NCALD: variants seen among roughly 807,000 people sequenced by gnomAD.
NCALD encodes the protein neurocalcin delta.
NCALD carries 10 observed loss-of-function variants against 18.6 expected under a neutral mutation model. The observed-to-expected ratio is 0.54, with a 90% CI of 0.33 to 0.91. The LOEUF (loss-of-function observed/expected upper bound fraction) is 0.91, where lower values mean the gene tolerates loss of function less well. Among genes scored for constraint, NCALD ranks in the 40% least tolerant of loss-of-function variants. The pLI is 0.03. For missense variants in NCALD, 184 were observed against 247.6 expected (o/e 0.74, Z 1.72); for synonymous variants, 88 against 87.4 (o/e 1.01, Z -0.04).
intron 1 of NCALD, among the ~76,000 whole-genome samples, chr8:101,743,588 T>C (rs1433981534): frequency 6.6e-6 from 1 of 152,172 alleles, no homozygotes; most frequent in African/African-American, 2.4e-5. Flanking sequence ...AAGTGATACT[T>C]TCCTCTTGAA....
chr8:101,730,814 T>G (rs946742125), intron 1 of NCALD, among the ~76,000 whole-genome samples: 2 of 152,228 alleles, frequency 1.3e-5, no homozygotes, highest in Non-Finnish European at 2.9e-5. Flanking sequence ...AAGAGGTTCT[T>G]CATGTCATTG....
intron 2 of NCALD, among the ~76,000 whole-genome samples, chr8:101,945,055 G>A (rs951441923): frequency 2.7e-4 from 41 of 152,172 alleles, no homozygotes; most frequent in Non-Finnish European, 5.0e-4. Context: ...CGTGTCCTAC[G>A]TGACATCTGT....
chr8:101,971,047 T>A (rs1259488117), intron 2 of NCALD, among the ~76,000 whole-genome samples: 1 of 152,188 alleles, frequency 6.6e-6, no homozygotes, highest in Non-Finnish European at 1.5e-5. Context: ...CCTTTCTGCT[T>A]CTGCCATGTC....
intron 4 of NCALD, among the ~76,000 whole-genome samples, chr8:101,820,290 C>G (rs772573664): frequency 6.6e-6 from 1 of 152,186 alleles, no homozygotes; most frequent in Non-Finnish European, 1.5e-5. Flanking sequence ...ATTTTGTTCA[C>G]TATGTGTGTG....
At position 102,102,274 on chromosome 8, in the gene NCALD, C is replaced by T. The variant is rs1054371817; in HGVS notation, c.-210+21963G>A. ...TCCTCCTGTCACAATTAACGCTCCA[C>T]CCAACAACACAGCTCACATTTCAAA... On this transcript the variant is annotated intron_variant, in intron 1 of 6. Transcript: ENST00000311028. Among the ~76,000 whole-genome samples the T allele has an allele frequency of 9.2e-5, 14 of 152,296 alleles. No individual in the cohort carries two copies. In the East Asian group the frequency reaches 2.7e-3, roughly 29 times the overall value.
At chr8:102,071,125 G>A (rs2132294399) in intron 1 of NCALD, among the ~76,000 whole-genome samples, 1 of 152,160 alleles carries the variant, frequency 6.6e-6, no homozygotes, top group Admixed American at 6.5e-5. Flanking sequence ...TTCTCAGAAT[G>A]CTTAGTAAGA....
intron 1 of NCALD, among the ~76,000 whole-genome samples, chr8:102,034,862 C>T (rs1277365248): frequency 6.6e-6 from 1 of 152,184 alleles, no homozygotes; most frequent in African/African-American, 2.4e-5. Flanking sequence ...ATAGTAGGCA[C>T]ATTTATAAGT....
intron 3 of NCALD, among the ~76,000 whole-genome samples, chr8:101,912,531 T>G (rs1407679090): frequency 6.6e-6 from 1 of 152,220 alleles, no homozygotes; most frequent in East Asian, 1.9e-4. Flanking sequence ...TGAGGAGTAT[T>G]TAGGAGTATT....
Position 102,119,293 on chromosome 8 carries a change from A to G in NCALD, c.-210+4944T>C, listed in dbSNP as rs530972935. ...TACAACACGGATGATCTCTGGGGAC[A>G]TTATTATAAGTGAAATAGGCCAGTC... On this transcript the variant is annotated intron_variant, in intron 1 of 6. Coordinates refer to the NCALD transcript ENST00000311028. Among the ~76,000 whole-genome samples, 27 of 152,376 alleles carry G rather than the reference A, an allele frequency of 1.8e-4. 1 individual carries two copies. Among genetic ancestry groups the G allele is most frequent in the African/African-American group, 6.3e-4 (26 of 41,594 alleles).
intron 1 of NCALD, among the ~76,000 whole-genome samples, chr8:101,778,273 G>C (rs1811874997): frequency 6.6e-6 from 1 of 152,122 alleles, no homozygotes; most frequent in African/African-American, 2.4e-5. Flanking sequence ...AATCCCTCCA[G>C]TCACCTCTAC....
At chr8:101,691,897 G>T in intron 3 of NCALD, 1 of 985,430 alleles carries the variant, frequency 1.0e-6, no homozygotes, top group Non-Finnish European at 1.2e-6. Flanking sequence ...GAACAGATCG[G>T]GTGAGCTGAT....
rs1037921041 is a variant in NCALD at position 101,688,605 on chromosome 8, C to A, written c.*704G>T. 2 of 455,982 alleles carry A rather than the reference C, an allele frequency of 4.4e-6. No individual in the cohort carries two copies. The highest frequency in any genetic ancestry group is 8.8e-6 in the Non-Finnish European group (2 of 226,936). 28.2% of individuals were successfully genotyped at this position (455,982 alleles called of 1,614,324 possible). On this transcript the variant is annotated 3_prime_UTR_variant, in exon 4 of 4. Coordinates refer to ENST00000220931, the MANE Select transcript of NCALD (RefSeq NM_032041.3). ...CTTTTTATTTTATCACAATAGGCAA[C>A]AAGATGGGTCTGGTTTTGGAATATG...
At chr8:101,958,067 C>A (rs1819701827) in intron 2 of NCALD, among the ~76,000 whole-genome samples, 1 of 152,178 alleles carries the variant, frequency 6.6e-6, no homozygotes, top group Non-Finnish European at 1.5e-5. Context: ...CCACCTGGGG[C>A]ATCCTTCACC....
chr8:101,838,030 T>A (rs898105948), intron 4 of NCALD, among the ~76,000 whole-genome samples: 3 of 152,212 alleles, frequency 2.0e-5, no homozygotes, highest in African/African-American at 7.2e-5. Context: ...ATTGTACTTG[T>A]TGAATGACAG....
intron 4 of NCALD, among the ~76,000 whole-genome samples, chr8:101,840,126 A>G (rs1814582425): frequency 6.6e-6 from 1 of 152,180 alleles, no homozygotes; most frequent in Non-Finnish European, 1.5e-5. Context: ...TAAAAAAAAA[A>G]AAACACAGCT....
At chr8:101,776,646 A>G (rs988774531) in intron 1 of NCALD, among the ~76,000 whole-genome samples, 1 of 152,138 alleles carries the variant, frequency 6.6e-6, no homozygotes, top group African/African-American at 2.4e-5. Flanking sequence ...ACAGGGGCCC[A>G]AGGACAACTT....
chr8:101,796,673 G>T (rs1721561428), intron 4 of NCALD, among the ~76,000 whole-genome samples: 1 of 152,118 alleles, frequency 6.6e-6, no homozygotes, highest in South Asian at 2.1e-4. Flanking sequence ...AAATGTAAGA[G>T]ACATTGGAAT....
intron 2 of NCALD, among the ~76,000 whole-genome samples, chr8:101,954,755 T>G (rs914421355): frequency 6.6e-6 from 1 of 152,190 alleles, no homozygotes; most frequent in Admixed American, 6.5e-5. Context: ...GTAAATAGAC[T>G]AGTAGACTAT....
chr8:101,919,620 C>A (rs146697796), intron 2 of NCALD, among the ~76,000 whole-genome samples: 1,947 of 151,364 alleles, frequency 0.013, 16 homozygotes, highest in Non-Finnish European at 0.02. Flanking sequence ...AAAATATTTG[C>A]AAACTATGCA....
Sources: gnomAD v4.1 joint callset for allele counts (sites outside exome capture counted in the v4.1 genomes callset) on GRCh38, gnomAD v4.1.1 for gene constraint, MANE v1.5 for transcripts, NCBI Gene and HGNC (gene_info 2026-07-23, HGNC 2026-07-21) for gene names.